AIG1: variants seen among roughly 807,000 people sequenced by gnomAD.
AIG1 encodes the protein androgen-induced gene 1 protein.
Under a neutral mutation model 31.4 loss-of-function variants are expected in AIG1, and 23 were observed. The ratio of observed to expected loss-of-function variants is 0.73; its 90% confidence interval spans 0.53 to 1.04. The LOEUF (loss-of-function observed/expected upper bound fraction) is 1.04. Among genes scored for constraint, AIG1 ranks in the 50% least tolerant of loss-of-function variants. The pLI, the probability that AIG1 is intolerant of heterozygous loss-of-function variation, is 0.00. For missense variants in AIG1, 274 were observed against 295.0 expected, an observed-to-expected ratio of 0.93 and a Z score of 0.52; for synonymous variants, 100 against 110.5, an observed-to-expected ratio of 0.90 and a Z score of 0.60.
intron 2 of AIG1, among the ~76,000 whole-genome samples, chr6:143,139,685 C>T (rs527932373): frequency 6.6e-6 from 1 of 151,974 alleles, no homozygotes; most frequent in South Asian, 2.1e-4. Flanking sequence ...CTTTTCCCCC[C>T]TCCTTTCTCT....
chr6:143,074,013 A>G (rs1313654934), intron 1 of AIG1, among the ~76,000 whole-genome samples: 2 of 152,220 alleles, frequency 1.3e-5, no homozygotes, highest in African/African-American at 4.8e-5. Context: ...GCACCTTTTC[A>G]TAGACCTGTT....
intron 5 of AIG1, among the ~76,000 whole-genome samples, chr6:143,336,931 A>G (rs988263422): frequency 1.3e-5 from 2 of 152,230 alleles, no homozygotes; most frequent in Non-Finnish European, 2.9e-5. Context: ...GGGGAAAAAA[A>G]AAGAAAGAAT....
At chr6:143,322,646 A>G (rs905630378) in intron 4 of AIG1, among the ~76,000 whole-genome samples, 8 of 152,238 alleles carry the variant, frequency 5.3e-5, no homozygotes, top group African/African-American at 1.9e-4. Context: ...ACTGCATGGA[A>G]GCACATCACT....
Position 143,279,892 on chromosome 6 carries a change from C to A in AIG1, c.400-4218C>A, listed in dbSNP as rs1031280720. 2.4e-4 allele frequency among the ~76,000 whole-genome samples: 37 copies of A among 152,120 alleles called. No homozygotes were observed. Among genetic ancestry groups the A allele is most frequent in the African/African-American group, 8.4e-4 (35 of 41,422 alleles). Reference sequence around the variant, plus strand: ...CTAGGATGGACTTTATATGGAAGACCAAAGGTTTACTCCTTGGGCTGTCAA... The same window carrying A: ...CTAGGATGGACTTTATATGGAAGACAAAAGGTTTACTCCTTGGGCTGTCAA... On this transcript the variant is annotated intron_variant, in intron 3 of 5. Transcript: ENST00000357847. This position sits in a 1 kb window ranked among gnomAD's most constrained non-coding sequence, Gnocchi z 5.4.
At chr6:143,204,897 T>C (rs1322401272) in intron 3 of AIG1, among the ~76,000 whole-genome samples, 1 of 152,074 alleles carries the variant, frequency 6.6e-6, no homozygotes, top group East Asian at 1.9e-4. Context: ...TCCAAGCCTA[T>C]CTAGTAGAAG....
At chr6:143,342,827 A>G (rs1026148166), downstream of AIG1, 24 of 804,056 alleles carry the variant, frequency 3.0e-5, no homozygotes, top group African/African-American at 3.5e-4. Context: ...GTGATCTGAT[A>G]TTTCAAATCT....
chr6:143,217,563 G>A (rs535597820), intron 3 of AIG1, among the ~76,000 whole-genome samples: 2 of 152,114 alleles, frequency 1.3e-5, no homozygotes, highest in Admixed American at 1.3e-4. Context: ...GGCTGGAGTG[G>A]AGTGGTGTGA....
At chr6:143,146,500 C>T (rs1471483252) in intron 2 of AIG1, among the ~76,000 whole-genome samples, 1 of 151,900 alleles carries the variant, frequency 6.6e-6, no homozygotes, top group African/African-American at 2.4e-5. Context: ...CCTCTATCTC[C>T]CCAACACCCC....
At chr6:143,140,891 C>T (rs541457434) in intron 2 of AIG1, among the ~76,000 whole-genome samples, 75 of 152,222 alleles carry the variant, frequency 4.9e-4, no homozygotes, top group Non-Finnish European at 9.6e-4. Flanking sequence ...TAGCTACAGG[C>T]GCAGAGCCTC....
At chr6:143,214,255 C>T (rs1294466152) in intron 3 of AIG1, among the ~76,000 whole-genome samples, 1 of 152,172 alleles carries the variant, frequency 6.6e-6, no homozygotes, top group Non-Finnish European at 1.5e-5. Context: ...GCTCATTGCT[C>T]TCAACGTGCA....
intron 4 of AIG1, among the ~76,000 whole-genome samples, chr6:143,287,737 TAAAAAA>T (rs59551903): frequency 3.8e-5 from 3 of 78,052 alleles, no homozygotes; most frequent in Non-Finnish European, 7.2e-5. Flanking sequence ...CTGACTACAG[TAAAAAA>T]AAAAAAAAAA....
intron 3 of AIG1, among the ~76,000 whole-genome samples, chr6:143,223,867 G>A (rs887351814): frequency 1.3e-5 from 2 of 151,942 alleles, no homozygotes; most frequent in Non-Finnish European, 1.5e-5. Context: ...TTAAATTACT[G>A]GAAATCAGTC....
At chr6:143,163,680 C>T (rs565055907) in intron 2 of AIG1, among the ~76,000 whole-genome samples, 135 of 152,316 alleles carry the variant, frequency 8.9e-4, no homozygotes, top group Non-Finnish European at 1.7e-3. Context: ...CAAATCCACT[C>T]TTTGTGCTCA....
chr6:143,211,487 T>C (rs1051694978), intron 3 of AIG1, among the ~76,000 whole-genome samples: 2 of 152,182 alleles, frequency 1.3e-5, no homozygotes, highest in Non-Finnish European at 2.9e-5. Flanking sequence ...TAGTTTATAC[T>C]CTGTACCAAG....
rs192617807 is a variant in AIG1 at position 143,069,857 on chromosome 6, T to G, written c.141+8791T>G. 5.0e-3 allele frequency among the ~76,000 whole-genome samples: 767 copies of G among 152,322 alleles called. 6 individuals are homozygous for G. Among genetic ancestry groups the G allele is most frequent in the Non-Finnish European group, 8.1e-3 (552 of 68,030 alleles). ...ATGGAACCTCCTAGAAGTTTTAAAG[T>G]TTTAGGTTTTACATTTTTATCTATA... On this transcript the variant is annotated intron_variant, in intron 1 of 5. Coordinates refer to ENST00000357847, the MANE Select transcript of AIG1 (RefSeq NM_016108.4).
chr6:143,185,493 C>T (rs1789178685), intron 3 of AIG1, among the ~76,000 whole-genome samples: 1 of 152,194 alleles, frequency 6.6e-6, no homozygotes, highest in African/African-American at 2.4e-5. Flanking sequence ...CAGAACTCTG[C>T]TTATCAACTC....
intron 4 of AIG1, among the ~76,000 whole-genome samples, chr6:143,319,484 A>G (rs1776030926): frequency 6.6e-6 from 1 of 152,142 alleles, no homozygotes; most frequent in South Asian, 2.1e-4. Flanking sequence ...GGAGAGTGGT[A>G]GGGGAGTAAG....
upstream of AIG1, chr6:143,060,532 T>A (rs1343508494): frequency 7.0e-6 from 2 of 284,624 alleles, no homozygotes; most frequent in South Asian, 5.0e-5. Context: ...CCCCTGGAGA[T>A]CAGCGCGCAC....
intron 3 of AIG1, among the ~76,000 whole-genome samples, chr6:143,172,870 C>T (rs1787769512): frequency 6.6e-6 from 1 of 152,112 alleles, no homozygotes; most frequent in Non-Finnish European, 1.5e-5. Flanking sequence ...TTCACCGTAG[C>T]CTTGAATGAT....
Sources: allele counts gnomAD v4.1 joint callset (sites outside exome capture counted in the v4.1 genomes callset), GRCh38; gene constraint gnomAD v4.1.1; non-coding constraint Gnocchi (gnomAD v3.1); transcripts MANE v1.5; gene names NCBI Gene and HGNC (gene_info 2026-07-23, HGNC 2026-07-21).